COL4A6: variants seen among roughly 807,000 people sequenced by gnomAD.
The protein encoded by COL4A6 is collagen alpha-6(IV) chain.
In COL4A6, 59 loss-of-function variants were observed where a neutral mutation model predicts 126.7. That is an observed-to-expected ratio of 0.47 (90% CI 0.38 to 0.58). The LOEUF is 0.58. COL4A6 is among the 20% of genes least tolerant of loss of function. The pLI is 0.00. For missense variants in COL4A6, 1,285 were observed against 1,337.3 expected (o/e 0.96, Z 0.61); for synonymous variants, 547 against 496.6 (o/e 1.10, Z -1.35).
At chrX:108,267,968 A>G (rs1400200866) in intron 3 of COL4A6, 7 of 112,542 alleles carry the variant, frequency 6.2e-5, no homozygotes, top group African/African-American at 2.3e-4. Context: ...TAAATTACCT[A>G]CTTGTAATAA....
chrX:108,171,304 T>G (rs1185300137), intron 33 of COL4A6, 83 bp downstream of exon 33: 5 of 835,019 alleles, frequency 6.0e-6, no homozygotes, highest in Non-Finnish European at 7.0e-6. Context: ...TTGCAGAACT[T>G]GGGGTTGACC....
At chrX:108,272,435 C>T (rs181076764) in intron 3 of COL4A6, among the ~76,000 whole-genome samples, 30 of 111,700 alleles carry the variant, frequency 2.7e-4, no homozygotes, top group African/African-American at 9.4e-4. Flanking sequence ...TGAGACTTTA[C>T]TCAAACCACT....
intron 5 of COL4A6, among the ~76,000 whole-genome samples, chrX:108,217,695 C>T (rs1276010654): frequency 9.0e-6 from 1 of 111,351 alleles, no homozygotes; most frequent in Non-Finnish European, 1.9e-5. Flanking sequence ...GAGGTAAGCA[C>T]TGAACAGAAG....
chrX:108,410,686 A>T (rs893531656), intron 2 of COL4A6, among the ~76,000 whole-genome samples: 4 of 111,363 alleles, frequency 3.6e-5, no homozygotes, highest in Non-Finnish European at 7.5e-5. Flanking sequence ...GAACATCATT[A>T]ATATCATCAA....
At chrX:108,320,658 A>C (rs2039004652) in intron 2 of COL4A6, among the ~76,000 whole-genome samples, 1 of 111,916 alleles carries the variant, frequency 8.9e-6, no homozygotes, top group African/African-American at 3.3e-5. Flanking sequence ...TAGCTCTGTT[A>C]ATACTCTGCA....
rs147512281 is a variant in COL4A6 at position 108,314,997 on chromosome X, T to C, written c.64-4169A>G. 5.6e-3 allele frequency among the ~76,000 whole-genome samples: 629 copies of C among 112,238 alleles called. 1 individual carries two copies. The highest frequency in any genetic ancestry group is 0.01 in the Non-Finnish European group (552 of 53,295). ...CCTTATCAAGTGCTGTGCACTGGTATGATCATGCCAGTTTGTCTATAGCTG... is the reference window on the plus strand; with the variant it reads ...CCTTATCAAGTGCTGTGCACTGGTACGATCATGCCAGTTTGTCTATAGCTG... On this transcript the variant is annotated intron_variant, in intron 2 of 44. Transcript: ENST00000334504.
In COL4A6 at chrX:108,374,008, AC is replaced by A. The variant is rs200497861; in HGVS notation, c.64-63181del. 1.1e-3 allele frequency among the ~76,000 whole-genome samples: 128 copies of A among 112,180 alleles called. 2 individuals are homozygous for A. Among genetic ancestry groups the A allele is most frequent in the Admixed American group, 8.7e-3 (92 of 10,595 alleles). ...AAAGAAAATAAAACAGGCTAAAAAG[AC>A]TCCTTATCAGTTCTCATTAGAATTT... On this transcript the variant is annotated intron_variant, in intron 2 of 44. Transcript: ENST00000334504.
At chrX:108,175,588 C>T in intron 29 of COL4A6, 66 bp downstream of exon 29, 1 of 1,100,541 alleles carries the variant, frequency 9.1e-7, no homozygotes, top group Non-Finnish European at 1.2e-6. Context: ...ATAACCAAGT[C>T]AACAAACAAA....
At chrX:108,367,544 T>C (rs1170434254) in intron 2 of COL4A6, among the ~76,000 whole-genome samples, 2 of 112,105 alleles carry the variant, frequency 1.8e-5, no homozygotes, top group East Asian at 5.6e-4. Flanking sequence ...GTGATCTTTC[T>C]GGACTGAGGC....
At chrX:108,308,158 G>A (rs910334221) in intron 3 of COL4A6, among the ~76,000 whole-genome samples, 18 of 111,621 alleles carry the variant, frequency 1.6e-4, no homozygotes, top group Non-Finnish European at 3.0e-4. Context: ...TTTCAAAAGA[G>A]AAGCCAGACT....
intron 2 of COL4A6, among the ~76,000 whole-genome samples, chrX:108,399,642 A>T (rs1339225066): frequency 1.8e-5 from 2 of 111,602 alleles, no homozygotes; most frequent in African/African-American, 3.3e-5. Flanking sequence ...TGGAAGGAAG[A>T]TGAGACACCC....
At chrX:108,350,602 C>T (rs2039816236) in intron 2 of COL4A6, among the ~76,000 whole-genome samples, 1 of 111,191 alleles carries the variant, frequency 9.0e-6, no homozygotes, top group African/African-American at 3.3e-5. Context: ...CATATATTGC[C>T]CTGACATGCT....
chrX:108,198,799 C>T (rs1156247920), intron 13 of COL4A6, among the ~76,000 whole-genome samples: 1 of 111,299 alleles, frequency 9.0e-6, no homozygotes, highest in Non-Finnish European at 1.9e-5. Flanking sequence ...ACCCCACCTA[C>T]CTAGTAGTTA....
intron 2 of COL4A6, among the ~76,000 whole-genome samples, chrX:108,437,086 C>T (rs918295099): frequency 1.8e-5 from 2 of 111,560 alleles, no homozygotes; most frequent in African/African-American, 6.5e-5. Flanking sequence ...TGAACAACTT[C>T]GTATTCAAAC....
At chrX:108,187,471 T>G (rs1257590590) in intron 22 of COL4A6, among the ~76,000 whole-genome samples, 192 bp from the exon 23 acceptor site, 5 of 111,799 alleles carry the variant, frequency 4.5e-5, no homozygotes, top group Admixed American at 9.5e-5. Context: ...CTACTCTGGG[T>G]GATCTAACAA....
At chrX:108,293,703 A>G (rs1460404611) in intron 3 of COL4A6, among the ~76,000 whole-genome samples, 1 of 111,375 alleles carries the variant, frequency 9.0e-6, no homozygotes, top group East Asian at 2.8e-4. Flanking sequence ...GGTATTCTAC[A>G]GGTCAAGTGA....
chrX:108,371,589 A>C (rs1376535835), intron 2 of COL4A6, among the ~76,000 whole-genome samples: 2 of 108,176 alleles, frequency 1.8e-5, no homozygotes, highest in African/African-American at 6.7e-5. Context: ...AAAAAAAAAA[A>C]AAAAAAACTC....
intron 3 of COL4A6, among the ~76,000 whole-genome samples, chrX:108,258,661 T>TTCTAAACAGA (rs2037073086): frequency 8.9e-6 from 1 of 112,012 alleles, no homozygotes; most frequent in Non-Finnish European, 1.9e-5. Context: ...TATAAACATG[T>TTCTAAACAGA]GTTCTAAACA....
At chrX:108,260,088 A>G (rs925122547) in intron 3 of COL4A6, among the ~76,000 whole-genome samples, 1 of 110,493 alleles carries the variant, frequency 9.1e-6, no homozygotes, top group African/African-American at 3.3e-5. Flanking sequence ...AGAAATGCTT[A>G]TAATTATTTA....
Sources: gnomAD v4.1 joint callset for allele counts (sites outside exome capture counted in the v4.1 genomes callset) on GRCh38, gnomAD v4.1.1 for gene constraint, MANE v1.5 for transcripts, NCBI Gene and HGNC (gene_info 2026-07-23, HGNC 2026-07-21) for gene names.